The following FAM135A variants were observed in gnomAD, a reference collection of about 807,000 sequenced individuals.
FAM135A encodes the protein family with sequence similarity 135 member A.
Under a neutral mutation model 146.8 loss-of-function variants are expected in FAM135A, and 79 were observed. The observed-to-expected ratio is 0.54, with a 90% CI of 0.45 to 0.65. FAM135A has a LOEUF of 0.65. FAM135A is among the 30% of genes least tolerant of loss of function. FAM135A has a pLI of 0.00. For missense variants in FAM135A, 1,623 were observed against 1,758.2 expected (o/e 0.92, Z 1.38); for synonymous variants, 562 against 603.6 (o/e 0.93, Z 1.01).
Position 70,526,019 on chromosome 6 carries a change from G to A in FAM135A, c.2935G>A (p.Val979Ile), listed in dbSNP as rs768337510. 14 of 1,611,990 alleles carry A rather than the reference G, an allele frequency of 8.7e-6. No homozygotes were observed. The highest frequency in any genetic ancestry group is 1.2e-5 in the Non-Finnish European group (14 of 1,179,358). The change falls in exon 15 of 22, where the codon GTC becomes ATC. Residue 979 changes from valine to isoleucine, a missense_variant. This residue lies in a region of FAM135A where 1,061 missense variants were observed against 1,113.8 expected (regional missense o/e 0.95). Transcript: ENST00000418814. Reference sequence around the variant, plus strand: ...ACTGATTTGTTTAGGCACTCCTTGTGTCATTTCAGGTTCCATTTCTAGTAA... The same window carrying A: ...ACTGATTTGTTTAGGCACTCCTTGTATCATTTCAGGTTCCATTTCTAGTAA... ...SKLICLGTPC[V>I]ISGSISSNTD...
rs948350955 is a variant in FAM135A, at chr6:70,452,028, GA to G, written c.78-454del. On this transcript the variant is annotated intron_variant, in intron 4 of 21. Coordinates refer to ENST00000418814, the MANE Select transcript of FAM135A (RefSeq NM_001162529.3). ...TACATAAACAAATAGCTCTGACCTT[GA>G]AAAAAAAAACAATTCTTTAAACCAA... 7.7e-5 allele frequency among the ~76,000 whole-genome samples: 11 copies of G among 142,988 alleles called. No homozygotes were observed. In the East Asian group the frequency reaches 8.1e-4, roughly 10 times the overall value. The allele number at this position is 142,988 out of a possible 152,430, so 93.8% of individuals were successfully genotyped here.
chr6:70,522,509 T>C lies in FAM135A; in HGVS notation c.1030-4T>C, dbSNP rs1793831231. 1.2e-6 allele frequency: 2 copies of C among 1,612,634 alleles called. No homozygotes were observed. The highest frequency in any genetic ancestry group is 1.7e-6 in the Non-Finnish European group (2 of 1,179,030). ...TATTAATACTCTCCTTTGGAATTTT[T>C]TAGGTACGCAGATTTTCTGAGGCAT... On this transcript the variant is annotated splice_region_variant and splice_polypyrimidine_tract_variant and intron_variant, in intron 12 of 21. Coordinates refer to ENST00000418814, the MANE Select transcript of FAM135A (RefSeq NM_001162529.3).
In FAM135A at chr6:70,519,022, G is replaced by T. The variant is rs538646407; in HGVS notation, c.1030-3491G>T. Among the ~76,000 whole-genome samples the T allele has an allele frequency of 2.6e-5, 4 of 152,314 alleles. No individual in the cohort carries two copies. The South Asian group carries it at 8.3e-4, about 32-fold the overall frequency. On this transcript the variant is annotated intron_variant, in intron 12 of 21. Coordinates refer to ENST00000418814, the MANE Select transcript of FAM135A (RefSeq NM_001162529.3). ...GCCCCAGATGGTGATTCCTCTGGTGGATCTGGGCAAAAGGAAAACTTTTGG... is the reference window on the plus strand; with the variant it reads ...GCCCCAGATGGTGATTCCTCTGGTGTATCTGGGCAAAAGGAAAACTTTTGG...
chr6:70,530,029 A>G (rs542754421), intron 16 of FAM135A, among the ~76,000 whole-genome samples: 1 of 152,268 alleles, frequency 6.6e-6, no homozygotes, highest in East Asian at 1.9e-4. Flanking sequence ...GCGCCACTGC[A>G]CTTCAGCCTG....
Position 70,538,276 on chromosome 6 carries a change from T to C in FAM135A, c.4118-15T>C. 1 of 1,395,228 alleles carries C rather than the reference T, an allele frequency of 7.2e-7. No individual in the cohort carries two copies. The highest frequency in any genetic ancestry group is 9.5e-7 in the Non-Finnish European group (1 of 1,049,088). 86.4% of individuals were successfully genotyped at this position (1,395,228 alleles called of 1,614,324 possible). On this transcript the variant is annotated splice_polypyrimidine_tract_variant and intron_variant, in intron 19 of 21. Coordinates refer to ENST00000418814, the MANE Select transcript of FAM135A (RefSeq NM_001162529.3). ...TATTTCATTTCATACTTCTATATCA[T>C]ATATGACTCTCTAGGTCTCTGGTTT...
rs1788864780 is a variant in FAM135A at position 70,502,763 on chromosome 6, T to C, written c.1001T>C (p.Leu334Ser). The C allele has an allele frequency of 1.2e-6, 2 of 1,612,420 alleles. No homozygotes were observed. The highest frequency in any genetic ancestry group is 1.7e-6 in the Non-Finnish European group (2 of 1,179,050). ...ACGCTACACGAAGAACTAAGAATATTATTAGCACAAGAGCACCATACTTTG... is the reference window on the plus strand; with the variant it reads ...ACGCTACACGAAGAACTAAGAATATCATTAGCACAAGAGCACCATACTTTG... ...VITLHEELRI[L>S]LAQEHHTLRV... is the part of the protein sequence containing the mutation. Residue 334 changes from leucine to serine, a missense_variant, in exon 12 of 22, where the codon TTA becomes TCA. Leu to Ser is a moderately radical substitution (Grantham distance 145, BLOSUM62 -2). Transcript: ENST00000418814.
chr6:70,514,389 G>C (rs1032585990), intron 12 of FAM135A, among the ~76,000 whole-genome samples: 1 of 151,968 alleles, frequency 6.6e-6, no homozygotes, highest in Non-Finnish European at 1.5e-5. Flanking sequence ...TCTGTTTACT[G>C]TTTATGACCA....
At chr6:70,557,178 C>A (rs1038189531) in intron 21 of FAM135A, 7 of 420,144 alleles carry the variant, frequency 1.7e-5, no homozygotes, top group African/African-American at 1.4e-4. Flanking sequence ...TTCTGCTGTA[C>A]CTCGCTTTTA....
At chr6:70,509,653 A>G (rs925979058) in intron 12 of FAM135A, among the ~76,000 whole-genome samples, 2 of 152,186 alleles carry the variant, frequency 1.3e-5, no homozygotes, top group Non-Finnish European at 2.9e-5. Flanking sequence ...TATAAATGTT[A>G]ACTCATTTAA....
chr6:70,414,094 G>C, intron 1 of FAM135A: 2 of 967,150 alleles, frequency 2.1e-6, no homozygotes, highest in Non-Finnish European at 2.5e-6. Flanking sequence ...TTCATCCCGC[G>C]CCTCCCACGT....
At chr6:70,428,178 A>T (rs1344734470) in intron 3 of FAM135A, 126 bp from the exon 4 acceptor site, 1 of 501,050 alleles carries the variant, frequency 2.0e-6, no homozygotes, top group South Asian at 3.3e-5. Context: ...TGTTAAGTAC[A>T]CTGAAATAAT....
chr6:70,469,765 G>T lies in FAM135A; in HGVS notation c.158-5645G>T, dbSNP rs531986113. Among the ~76,000 whole-genome samples, 15 of 152,262 alleles carry T rather than the reference G, an allele frequency of 9.9e-5. No homozygotes were observed. The South Asian group carries it at 3.1e-3, about 32-fold the overall frequency. On this transcript the variant is annotated intron_variant, in intron 5 of 21. Transcript: ENST00000418814. ...AGACGAAAAAGGGGTGGCCCATGAG[G>T]TAGGAGTAGAACTAGGAGAGTGTGA...
chr6:70,446,458 T>C lies in FAM135A; in HGVS notation c.78-6034T>C, dbSNP rs534814503. On this transcript the variant is annotated intron_variant, in intron 4 of 21. Coordinates refer to ENST00000418814, the MANE Select transcript of FAM135A (RefSeq NM_001162529.3). ...GCTAAACATCCCCTTAGGGGATCAA[T>C]CAATAATGATTCCATAGGAATCATT... 2.3e-4 allele frequency among the ~76,000 whole-genome samples: 35 copies of C among 152,326 alleles called. No homozygotes were observed. In the South Asian group the frequency reaches 7.3e-3, roughly 32 times the overall value.
At chr6:70,432,501 A>G (rs1487543080) in intron 4 of FAM135A, among the ~76,000 whole-genome samples, 1 of 146,652 alleles carries the variant, frequency 6.8e-6, no homozygotes, top group Non-Finnish European at 1.5e-5. Flanking sequence ...GTCTTTCTTG[A>G]AGACCATTCT....
chr6:70,550,420 T>C (rs1799607885), intron 20 of FAM135A, among the ~76,000 whole-genome samples: 1 of 152,232 alleles, frequency 6.6e-6, no homozygotes. Context: ...GAATAGATTT[T>C]GTGTTAGCCC....
intron 20 of FAM135A, among the ~76,000 whole-genome samples, chr6:70,548,604 A>C (rs143219799): frequency 6.6e-6 from 1 of 152,214 alleles, no homozygotes; most frequent in Non-Finnish European, 1.5e-5. Context: ...TCTCTAGAGA[A>C]GTACATCAGA....
intron 16 of FAM135A, among the ~76,000 whole-genome samples, chr6:70,530,119 G>C (rs1174895666): frequency 6.6e-6 from 1 of 151,868 alleles, no homozygotes; most frequent in East Asian, 1.9e-4. Context: ...TCTAGCACTT[G>C]GAATTAATAT....
At position 70,477,148 on chromosome 6, in the gene FAM135A, C is replaced by T. The variant is rs749001185; in HGVS notation, c.369-11C>T. The T allele has an allele frequency of 1.9e-6, 3 of 1,607,844 alleles. No individual in the cohort carries two copies. The highest frequency in any genetic ancestry group is 1.3e-5 in the African/African-American group (1 of 74,682). On this transcript the variant is annotated splice_polypyrimidine_tract_variant and intron_variant, in intron 7 of 21. Coordinates refer to ENST00000418814, the MANE Select transcript of FAM135A (RefSeq NM_001162529.3). ...GTTTCATACTTACATGCTAAGTGTTCCTTTTTACAGGGCAGATGATCTGAA... is the reference window on the plus strand; with the variant it reads ...GTTTCATACTTACATGCTAAGTGTTTCTTTTTACAGGGCAGATGATCTGAA...
chr6:70,502,675 A>T lies in FAM135A; in HGVS notation c.913A>T (p.Met305Leu), dbSNP rs745381759. The T allele has an allele frequency of 4.3e-6, 7 of 1,613,040 alleles. No homozygotes were observed. In the South Asian group the frequency reaches 7.7e-5, roughly 18 times the overall value. ...NPDELAELIN[M>L]NLAQLCSLLM... Reference sequence around the variant, plus strand: ...TGATGAACTGGCAGAACTTATAAATATGAATCTTGCGCAACTTTGCTCACT... The same window carrying T: ...TGATGAACTGGCAGAACTTATAAATTTGAATCTTGCGCAACTTTGCTCACT... The change falls in exon 12 of 22, where the codon ATG (methionine) becomes TTG (leucine). Residue 305 changes from methionine (M) to leucine (L), a missense_variant. This residue lies in a region of FAM135A where 206 missense variants were observed against 194.7 expected (regional missense o/e 1.06). Coordinates refer to ENST00000418814, the MANE Select transcript of FAM135A (RefSeq NM_001162529.3).
Sources: gnomAD v4.1 joint callset for allele counts (sites outside exome capture counted in the v4.1 genomes callset) on GRCh38, gnomAD v4.1.1 for gene constraint, gnomAD v4.1.1 regional missense constraint, MANE v1.5 for transcripts, NCBI Gene and HGNC (gene_info 2026-07-23, HGNC 2026-07-21) for gene names.